The following UBP1 variants were observed in gnomAD, a reference collection of about 807,000 sequenced individuals.
The protein encoded by UBP1 is upstream-binding protein 1.
UBP1 carries 22 observed loss-of-function variants against 76.1 expected under a neutral mutation model. The observed-to-expected ratio is 0.29, with a 90% CI of 0.21 to 0.41. The LOEUF (loss-of-function observed/expected upper bound fraction) is 0.41. Ranked by LOEUF, UBP1 falls within the 10% of genes least tolerant of loss-of-function variation. The pLI is 1.00. For missense variants in UBP1, 436 were observed against 668.1 expected, an observed-to-expected ratio of 0.65 and a Z score of 3.83; for synonymous variants, 224 against 237.1, an observed-to-expected ratio of 0.94 and a Z score of 0.51.
At chr3:33,429,593 T>C (rs948618883) in intron 1 of UBP1, among the ~76,000 whole-genome samples, 1 of 152,204 alleles carries the variant, frequency 6.6e-6, no homozygotes, top group African/African-American at 2.4e-5. Context: ...CCTCCTAAAG[T>C]GCTGGGATTA....
chr3:33,425,839 T>G, intron 1 of UBP1, 98 bp from the exon 2 acceptor site: 1 of 1,106,510 alleles, frequency 9.0e-7, no homozygotes, highest in Non-Finnish European at 1.2e-6. Context: ...CTGAAATATT[T>G]AAAAGCATAT....
intron 5 of UBP1, among the ~76,000 whole-genome samples, chr3:33,410,164 A>G (rs548305821): frequency 3.1e-4 from 47 of 152,326 alleles, no homozygotes; most frequent in African/African-American, 1.1e-3. Flanking sequence ...TCAACTCTTC[A>G]AAGTCCATTC....
intron 13 of UBP1, among the ~76,000 whole-genome samples, chr3:33,395,775 A>C (rs1316534180): frequency 2.8e-5 from 4 of 145,452 alleles, no homozygotes; most frequent in Non-Finnish European, 4.5e-5. Context: ...AAAAAAAAAG[A>C]AAAAGGAAAG....
At chr3:33,423,766 C>T (rs1167292494) in intron 2 of UBP1, among the ~76,000 whole-genome samples, 1 of 152,218 alleles carries the variant, frequency 6.6e-6, no homozygotes, top group Admixed American at 6.5e-5. Context: ...ATGAATAAAT[C>T]TCTCCTAGAG....
At chr3:33,396,109 T>C (rs1215535365) in intron 13 of UBP1, 53 bp downstream of exon 13, 1 of 1,457,778 alleles carries the variant, frequency 6.9e-7, no homozygotes, top group Non-Finnish European at 9.4e-7. Flanking sequence ...GTCCTTTCCG[T>C]TTCTGTCTGA....
intron 5 of UBP1, 148 bp from the exon 6 acceptor site, chr3:33,409,749 A>G (rs2044522345): frequency 1.9e-6 from 2 of 1,038,442 alleles, no homozygotes; most frequent in Non-Finnish European, 2.8e-6. Context: ...TTATCTATGA[A>G]CCTAATTGTT....
rs2045270337 is a variant in UBP1 at position 33,440,178 on chromosome 3, G to A, written c.-330C>T. 6.3e-6 allele frequency: 1 copy of A among 157,516 alleles called. No homozygotes were observed. The highest frequency in any genetic ancestry group is 1.4e-5 in the Non-Finnish European group (1 of 71,892). The allele number at this position is 157,516 out of a possible 1,614,324, so 9.8% of individuals were successfully genotyped here. On this transcript the variant is annotated 5_prime_UTR_variant, in exon 1 of 16. Coordinates refer to ENST00000283629, the MANE Select transcript of UBP1 (RefSeq NM_014517.5). ...CGACCGCCCCGCCCGGGGCCCCCCG[G>A]TCGCATCCTCCTCCGGGACCGCTGG...
At chr3:33,435,360 A>C (rs933910073) in intron 1 of UBP1, among the ~76,000 whole-genome samples, 1 of 152,228 alleles carries the variant, frequency 6.6e-6, no homozygotes, top group African/African-American at 2.4e-5. Flanking sequence ...ATTGTTCTAC[A>C]CAGATGTTCC....
intron 14 of UBP1, 52 bp downstream of exon 14, chr3:33,393,260 T>C: frequency 2.0e-6 from 3 of 1,513,136 alleles, no homozygotes; most frequent in South Asian, 1.3e-5. Flanking sequence ...TACAATTACA[T>C]GTATAAAAGT....
At chr3:33,426,238 T>C (rs1458147174) in intron 1 of UBP1, among the ~76,000 whole-genome samples, 1 of 151,800 alleles carries the variant, frequency 6.6e-6, no homozygotes, top group Non-Finnish European at 1.5e-5. Context: ...TGCTGTGCCT[T>C]GGCAAGTGTT....
chr3:33,395,992 C>T (rs1175417096), intron 13 of UBP1, among the ~76,000 whole-genome samples, 170 bp downstream of exon 13: 2 of 152,188 alleles, frequency 1.3e-5, no homozygotes, highest in African/African-American at 2.4e-5. Flanking sequence ...CCTCTTCTCC[C>T]AAGGACTTCA....
At chr3:33,428,807 CAA>C (rs374441678) in intron 1 of UBP1, among the ~76,000 whole-genome samples, 14,192 of 93,402 alleles carry the variant, frequency 0.15, 764 homozygotes, top group Admixed American at 0.23. Flanking sequence ...TCCTACGTCT[CAA>C]AAAAAAAAAA....
At chr3:33,433,654 CAAAA>C (rs113114874) in intron 1 of UBP1, among the ~76,000 whole-genome samples, 1 of 139,636 alleles carries the variant, frequency 7.2e-6, no homozygotes, top group Admixed American at 7.1e-5. Context: ...CTCCACATCT[CAAAA>C]AAAAAAGACT....
chr3:33,426,029 A>ATG (rs2045010387), intron 1 of UBP1, among the ~76,000 whole-genome samples: 1 of 89,158 alleles, frequency 1.1e-5, no homozygotes, highest in Non-Finnish European at 2.2e-5. Flanking sequence ...ATATATATAT[A>ATG]TATATATATA....
chr3:33,406,772 C>T (rs1324366765), intron 8 of UBP1, among the ~76,000 whole-genome samples: 1 of 152,182 alleles, frequency 6.6e-6, no homozygotes, highest in Admixed American at 6.6e-5. Context: ...TGAACACAGT[C>T]CCTCCCCAGG....
At chr3:33,410,007 C>T (rs2044528351) in intron 5 of UBP1, among the ~76,000 whole-genome samples, 1 of 152,178 alleles carries the variant, frequency 6.6e-6, no homozygotes, top group South Asian at 2.1e-4. Flanking sequence ...TGTTGTTTGC[C>T]CTCTACTGCC....
intron 15 of UBP1, 56 bp from the exon 16 acceptor site, chr3:33,390,424 T>C: frequency 6.3e-7 from 1 of 1,596,972 alleles, no homozygotes; most frequent in Non-Finnish European, 8.6e-7. Context: ...ATTAAGCCTA[T>C]TAAATGGAAA....
chr3:33,430,094 G>A (rs74379544), intron 1 of UBP1, among the ~76,000 whole-genome samples: 1 of 152,168 alleles, frequency 6.6e-6, no homozygotes, highest in Non-Finnish European at 1.5e-5. Flanking sequence ...CTGAGGATAG[G>A]GGGGAAAAAA....
chr3:33,411,641 G>T lies in UBP1; in HGVS notation c.495C>A (p.Ser165Arg). ...VGIIDTRTNP[S>R]QLNAVEFLWD... ...ACAGAAATTCAACCGCATTTAACTG[G>T]CTTGGATTCGTCCTTGTGTCAATTA... Residue 165 changes from serine (S) to arginine (R), a missense_variant, in exon 5 of 16, where the codon AGC (serine) becomes AGA (arginine). Coordinates refer to ENST00000283629, the MANE Select transcript of UBP1 (RefSeq NM_014517.5). 4 of 1,614,062 alleles carry T rather than the reference G, an allele frequency of 2.5e-6. No homozygotes were observed. Among genetic ancestry groups the T allele is most frequent in the Non-Finnish European group, 3.4e-6 (4 of 1,179,988 alleles).
Sources: allele counts gnomAD v4.1 joint callset (sites outside exome capture counted in the v4.1 genomes callset), GRCh38; gene constraint gnomAD v4.1.1; transcripts MANE v1.5; gene names NCBI Gene and HGNC (gene_info 2026-07-23, HGNC 2026-07-21).